Variants in TMEM25 observed in about 807,000 individuals in gnomAD.
TMEM25 encodes the protein 0610039J01Rik.
TMEM25 carries 36 observed loss-of-function variants against 37.0 expected under a neutral mutation model. That is an observed-to-expected ratio of 0.97 (90% CI 0.75 to 1.28). The LOEUF (loss-of-function observed/expected upper bound fraction) is 1.28. TMEM25 is among the 50% of genes most tolerant of loss of function. The pLI is 0.00. For synonymous variants in TMEM25, 197 were observed against 203.7 expected (o/e 0.97, Z 0.28); for missense variants, 444 against 477.9 (o/e 0.93, Z 0.66).
Position 118,531,778 on chromosome 11 carries a change from C to A in TMEM25, c.-24C>A. 1 of 1,547,552 alleles carries A rather than the reference C, an allele frequency of 6.5e-7. No individual in the cohort carries two copies. The highest frequency in any genetic ancestry group is 1.2e-5 in the South Asian group (1 of 83,824). On this transcript the variant is annotated 5_prime_UTR_variant, in exon 2 of 9. Coordinates refer to ENST00000313236, the MANE Select transcript of TMEM25 (RefSeq NM_032780.4). Reference sequence around the variant, plus strand: ...CAGGCCCGCCCCCTTCTCTCAGCAGCCTAGGGCCTAGGCCCGGGCCACCAT... The same window carrying A: ...CAGGCCCGCCCCCTTCTCTCAGCAGACTAGGGCCTAGGCCCGGGCCACCAT...
In TMEM25 at chr11:118,543,809, CTTT is replaced by C. The variant is rs35217372; in HGVS notation, c.1028-2297_1028-2295del. 2.0e-3 allele frequency among the ~76,000 whole-genome samples: 262 copies of C among 133,236 alleles called. 1 individual carries two copies. The highest frequency in any genetic ancestry group is 6.8e-3 in the African/African-American group (245 of 36,188). 87.4% of individuals were successfully genotyped at this position (133,236 alleles called of 152,430 possible). On this transcript the variant is annotated intron_variant, in intron 8 of 8. Transcript: ENST00000354284. ...GCCAATTCCCCATATTAAACACCCC[CTTT>C]TTTTTTTTTTTTGAGATGCAGTTTT...
At chr11:118,544,945 CAGCTTGGGAGGTGG>C in intron 8 of TMEM25, 5 of 1,613,754 alleles carry the variant, frequency 3.1e-6, no homozygotes, top group Non-Finnish European at 4.2e-6. Flanking sequence ...TCCATGTCTC[CAGCTTGGGAGGTGG>C]AATTGGATGA....
intron 8 of TMEM25, among the ~76,000 whole-genome samples, chr11:118,542,989 C>T (rs1467779059): frequency 6.6e-6 from 1 of 152,190 alleles, no homozygotes; most frequent in Non-Finnish European, 1.5e-5. Context: ...TGCCTGTAAT[C>T]CCAGCACTTT....
Position 118,531,230 on chromosome 11 carries a change from G to A in TMEM25, c.-32G>A, listed in dbSNP as rs1555057872. The A allele has an allele frequency of 9.5e-6, 4 of 420,160 alleles. No individual in the cohort carries two copies. The highest frequency in any genetic ancestry group is 2.1e-5 in the African/African-American group (1 of 46,718). The allele number at this position is 420,160 out of a possible 1,614,324, so 26.0% of individuals were successfully genotyped here. A position where few individuals can be genotyped will look rare whatever the true frequency, so the allele number is the denominator to read the frequency against. ...TGCTCCGGCGGCGCTCGGGGAGGGAGCCAGGTGAGCCGCCCCGGTGGCGGG... is the reference window on the plus strand; with the variant it reads ...TGCTCCGGCGGCGCTCGGGGAGGGAACCAGGTGAGCCGCCCCGGTGGCGGG... On this transcript the variant is annotated 5_prime_UTR_variant, in exon 1 of 9. Coordinates refer to ENST00000313236, the MANE Select transcript of TMEM25 (RefSeq NM_032780.4).
Position 118,534,324 on chromosome 11 carries a change from C to T in TMEM25, c.996C>T (p.Asp332=). Residue 332 remains aspartate (D), a synonymous_variant, in exon 8 of 9, where the codon GAC becomes GAT. Transcript: ENST00000313236. This position sits in a 1 kb window ranked among gnomAD's most constrained non-coding sequence, Gnocchi z 4.6. Reference sequence around the variant, plus strand: ...ACAACAGCCGGCCAGAGCTTCTGGACCCGGAGCCCGGCGGCCTCCTCACCA... The same window carrying T: ...ACAACAGCCGGCCAGAGCTTCTGGATCCGGAGCCCGGCGGCCTCCTCACCA... ...AQNNSRPELL[D]PEPGGLLTSQ... 6.2e-7 allele frequency: 1 copy of T among 1,614,112 alleles called. No individual in the cohort carries two copies. Among genetic ancestry groups the T allele is most frequent in the Non-Finnish European group, 8.5e-7 (1 of 1,180,016 alleles).
intron 3 of TMEM25, 83 bp from the exon 4 acceptor site, chr11:118,532,834 T>G: frequency 6.5e-7 from 1 of 1,532,376 alleles, no homozygotes; most frequent in Non-Finnish European, 8.8e-7. Context: ...CCCAGGCCCC[T>G]GGCTCCCATC....
At chr11:118,543,489 TTATTATA>T (rs1951608973) in intron 8 of TMEM25, among the ~76,000 whole-genome samples, 1 of 152,070 alleles carries the variant, frequency 6.6e-6, no homozygotes, top group Non-Finnish European at 1.5e-5. Flanking sequence ...ATTTATCATA[TTATTATA>T]TATTTTTTTG....
downstream of TMEM25, among the ~76,000 whole-genome samples, chr11:118,537,290 G>A (rs1386086357): frequency 1.3e-5 from 2 of 152,004 alleles, no homozygotes; most frequent in East Asian, 3.9e-4. Context: ...GCAGTGAGCC[G>A]AGATCGCGCC....
chr11:118,532,542 A>C, intron 3 of TMEM25, 81 bp downstream of exon 3: 1 of 1,478,860 alleles, frequency 6.8e-7, no homozygotes, highest in African/African-American at 1.4e-5. Flanking sequence ...GGTCCGCAGG[A>C]CATTTAGCAG....
chr11:118,538,922 G>A (rs1951544049), downstream of TMEM25, among the ~76,000 whole-genome samples: 1 of 149,760 alleles, frequency 6.7e-6, no homozygotes, highest in African/African-American at 2.5e-5. Flanking sequence ...GTCTATTCTT[G>A]TCCTTTGCCA....
chr11:118,537,712 G>A (rs1437554706), downstream of TMEM25, among the ~76,000 whole-genome samples: 6 of 152,130 alleles, frequency 3.9e-5, no homozygotes, highest in East Asian at 5.8e-4. Context: ...GGAGATACCC[G>A]GAAGTAGGAT....
chr11:118,531,938 C>T (rs765143908), intron 2 of TMEM25, 67 bp downstream of exon 2: 3 of 1,528,682 alleles, frequency 2.0e-6, no homozygotes, highest in Non-Finnish European at 2.7e-6. Context: ...CCCCTGTCTG[C>T]ACTTCTGTTT....
In TMEM25 at chr11:118,532,987, G is replaced by C; in HGVS notation, c.453G>C (p.Leu151=). 6.2e-7 allele frequency: 1 copy of C among 1,614,248 alleles called. No individual in the cohort carries two copies. The highest frequency in any genetic ancestry group is 8.5e-7 in the Non-Finnish European group (1 of 1,180,044). Residue 151 remains leucine (L), a synonymous_variant, in exon 4 of 9, where the codon CTG becomes CTC. Transcript: ENST00000313236. ...EAQGPGLLVV[L]FALVRANPPA... ...AGGGCCCAGGCCTCCTGGTTGTCCT[G>C]TTTGCCCTGGTGCGTGCCAACCCGC...
At position 118,534,508 on chromosome 11, in the gene TMEM25, T is replaced by C. The variant is rs1951448428; in HGVS notation, c.1029T>C (p.Gly343=). Residue 343 remains glycine, a splice_region_variant and synonymous_variant, in exon 9 of 9, where the codon GGT becomes GGC. Coordinates refer to ENST00000313236, the MANE Select transcript of TMEM25 (RefSeq NM_032780.4). The surrounding 1 kb of genome is among the most constrained non-coding windows in gnomAD (Gnocchi z 4.6). Reference sequence around the variant, plus strand: ...CCGCGGGCTTCTTTGATCCCGCAGGTTTCATCCGCCTCCCAGTGCTGGGCT... The same window carrying C: ...CCGCGGGCTTCTTTGATCCCGCAGGCTTCATCCGCCTCCCAGTGCTGGGCT... ...PEPGGLLTSQ[G]FIRLPVLGYI... is the part of the protein sequence containing the mutation. The C allele has an allele frequency of 6.2e-6, 10 of 1,614,174 alleles. No individual in the cohort carries two copies. Among genetic ancestry groups the C allele is most frequent in the Non-Finnish European group, 8.5e-6 (10 of 1,180,018 alleles).
In TMEM25 at chr11:118,531,866, G is replaced by A; in HGVS notation, c.65G>A (p.Ser22Asn). The change falls in exon 2 of 9, where the codon AGC becomes AAC. Residue 22 changes from serine (S) to asparagine (N), a missense_variant. Coordinates refer to ENST00000313236, the MANE Select transcript of TMEM25 (RefSeq NM_032780.4). ...HTLLLLPALL[S>N]SGWGELEPQI... ...CTGCTGCTCCTGCCAGCCCTTCTGA[G>A]CTCAGGTACACCCCTGTTCAGTCGT... 6.4e-7 allele frequency: 1 copy of A among 1,551,630 alleles called. No individual in the cohort carries two copies. Among genetic ancestry groups the A allele is most frequent in the Non-Finnish European group, 8.7e-7 (1 of 1,147,024 alleles).
At chr11:118,545,639 C>G in intron 8 of TMEM25, 1 of 1,077,798 alleles carries the variant, frequency 9.3e-7, no homozygotes, top group Non-Finnish European at 1.4e-6. Flanking sequence ...TCACATAAGC[C>G]AAACACCACC....
chr11:118,534,362 G>T lies in TMEM25; in HGVS notation c.1027+7G>T. ...GGCCTCCTCACCAGCCAAGGTACTG[G>T]GGAAGGGGCCTGCCACCCTCCTCCT... is the stretch of plus-strand genomic sequence containing the variant. On this transcript the variant is annotated splice_region_variant and intron_variant, in intron 8 of 8. Transcript: ENST00000313236. The surrounding 1 kb of genome is among the most constrained non-coding windows in gnomAD (Gnocchi z 4.6). 1 of 1,613,672 alleles carries T rather than the reference G, an allele frequency of 6.2e-7. No individual in the cohort carries two copies. The highest frequency in any genetic ancestry group is 1.1e-5 in the South Asian group (1 of 90,984).
chr11:118,540,167 T>A (rs1436633449), downstream of TMEM25, among the ~76,000 whole-genome samples: 2 of 151,290 alleles, frequency 1.3e-5, no homozygotes, highest in Non-Finnish European at 2.9e-5. Flanking sequence ...TGGAGTGCAG[T>A]GGCGCAATCT....
chr11:118,537,965 C>T (rs1951532561), downstream of TMEM25, among the ~76,000 whole-genome samples: 1 of 151,754 alleles, frequency 6.6e-6, no homozygotes, highest in South Asian at 2.1e-4. Flanking sequence ...GCAAGAGGAT[C>T]ACTTCAGCCC....
Sources: allele counts gnomAD v4.1 joint callset (sites outside exome capture counted in the v4.1 genomes callset), GRCh38; gene constraint gnomAD v4.1.1; non-coding constraint Gnocchi (gnomAD v3.1); transcripts MANE v1.5; gene names NCBI Gene and HGNC (gene_info 2026-07-23, HGNC 2026-07-21).